DGKI: variants seen among roughly 807,000 people sequenced by gnomAD.
DGKI encodes the protein diacylglycerol kinase iota.
DGKI carries 55 observed loss-of-function variants against 147.5 expected under a neutral mutation model. That is an observed-to-expected ratio of 0.37 (90% CI 0.30 to 0.47). The LOEUF (loss-of-function observed/expected upper bound fraction) is 0.47, where lower values mean the gene tolerates loss of function less well. Among genes scored for constraint, DGKI ranks in the 20% least tolerant of loss-of-function variants. The pLI is 1.00. For missense variants in DGKI, 1,007 were observed against 1,323.8 expected (o/e 0.76, Z 3.71); for synonymous variants, 469 against 477.1 (o/e 0.98, Z 0.22).
At chr7:137,836,175 C>A (rs371577702) in intron 1 of DGKI, among the ~76,000 whole-genome samples, 2 of 152,168 alleles carry the variant, frequency 1.3e-5, no homozygotes, top group Non-Finnish European at 2.9e-5. Flanking sequence ...AGTAATTCCA[C>A]GCTGGCTCAT....
At chr7:137,750,258 A>G (rs10215980) in intron 1 of DGKI, among the ~76,000 whole-genome samples, 76,386 of 151,854 alleles carry the variant, frequency 0.5, 21,775 homozygotes, top group African/African-American at 0.78. Flanking sequence ...GCTGGTGAGT[A>G]GGTAGTGCTG....
At chr7:137,737,126 T>G (rs1795045007) in intron 1 of DGKI, among the ~76,000 whole-genome samples, 1 of 151,230 alleles carries the variant, frequency 6.6e-6, no homozygotes, top group South Asian at 2.1e-4. Context: ...AAATACTTAG[T>G]TCCCTATGCT....
chr7:137,519,244 T>G (rs1816880461), intron 21 of DGKI, among the ~76,000 whole-genome samples: 1 of 152,024 alleles, frequency 6.6e-6, no homozygotes, highest in South Asian at 2.1e-4. Flanking sequence ...GCAAAGCAAT[T>G]TAAAGGGCTG....
intron 1 of DGKI, among the ~76,000 whole-genome samples, chr7:137,733,975 C>T (rs1048968238): frequency 2.6e-5 from 4 of 152,104 alleles, no homozygotes; most frequent in African/African-American, 9.7e-5. Flanking sequence ...CTATCTGAAA[C>T]AAGTCTCTTC....
intron 1 of DGKI, among the ~76,000 whole-genome samples, chr7:137,781,727 A>ATGTAT (rs1563195269): frequency 1.3e-5 from 2 of 152,186 alleles, no homozygotes. Flanking sequence ...TTTAACCTGA[A>ATGTAT]TGTTTTGTTT....
chr7:137,765,824 C>T (rs886108268), intron 1 of DGKI, among the ~76,000 whole-genome samples: 3 of 152,206 alleles, frequency 2.0e-5, no homozygotes, highest in Non-Finnish European at 4.4e-5. Context: ...AGTCACCCAA[C>T]CTTCCCACTG....
rs796902464 is a variant in DGKI at position 137,691,798 on chromosome 7, G to GTTTTTTTTTTTTTTTTT, written c.402-1813_402-1797dup. ...GCTCAGCAAGTGTCTAGACCTTTGG[G>GTTTTTTTTTTTTTTTTT]TTTTTTTTTTTTTTTTTTTTTTTAA... On this transcript the variant is annotated intron_variant, in intron 1 of 32. Coordinates refer to ENST00000614521, the MANE Select transcript of DGKI (RefSeq NM_001321708.2). Among the ~76,000 whole-genome samples the GTTTTTTTTTTTTTTTTT allele has an allele frequency of 9.1e-4, 87 of 95,792 alleles. 1 individual carries two copies. Among genetic ancestry groups the GTTTTTTTTTTTTTTTTT allele is most frequent in the African/African-American group, 3.2e-3 (83 of 25,624 alleles). 62.8% of individuals were successfully genotyped at this position (95,792 alleles called of 152,430 possible). A position where few individuals can be genotyped will look rare whatever the true frequency, so the allele number is the denominator to read the frequency against.
chr7:137,752,031 A>G (rs1042675260), intron 1 of DGKI, among the ~76,000 whole-genome samples: 1 of 152,230 alleles, frequency 6.6e-6, no homozygotes, highest in African/African-American at 2.4e-5. Context: ...ATACATAACT[A>G]CATACAATCA....
intron 20 of DGKI, 124 bp downstream of exon 20, chr7:137,552,245 C>G: frequency 1.1e-6 from 1 of 914,446 alleles, no homozygotes; most frequent in Non-Finnish European, 1.7e-6. Context: ...AACCAAGGAA[C>G]TACTGAGTCT....
chr7:137,700,173 C>T (rs1823928117), intron 1 of DGKI, among the ~76,000 whole-genome samples: 1 of 152,096 alleles, frequency 6.6e-6, no homozygotes, highest in Admixed American at 6.6e-5. Flanking sequence ...GTATCAGTGC[C>T]AGTTGTATCA....
intron 19 of DGKI, among the ~76,000 whole-genome samples, chr7:137,560,003 T>C (rs1818364504): frequency 6.6e-6 from 1 of 152,216 alleles, no homozygotes. Flanking sequence ...TATATAAGAC[T>C]GATTTTTTAT....
chr7:137,429,467 C>T (rs1180917356), intron 28 of DGKI, among the ~76,000 whole-genome samples: 6 of 150,666 alleles, frequency 4.0e-5, no homozygotes, highest in South Asian at 4.2e-4. Context: ...AAAACCTAGG[C>T]ATTACCATTC....
intron 1 of DGKI, among the ~76,000 whole-genome samples, chr7:137,713,956 A>G (rs1343443939): frequency 2.0e-5 from 3 of 152,160 alleles, no homozygotes; most frequent in Non-Finnish European, 2.9e-5. Flanking sequence ...CCAATTTTGA[A>G]TGGGGATATT....
chr7:137,578,381 A>C, intron 15 of DGKI, 56 bp from the exon 16 acceptor site: 1 of 1,257,238 alleles, frequency 8.0e-7, no homozygotes, highest in Non-Finnish European at 1.2e-6. Flanking sequence ...GTAGCGACTT[A>C]GATTAGCACT....
chr7:137,574,503 T>C (rs534193582), intron 17 of DGKI, among the ~76,000 whole-genome samples: 12 of 152,320 alleles, frequency 7.9e-5, no homozygotes, highest in Admixed American at 2.6e-4. Context: ...TAAATATTAT[T>C]GTATTTAGAA....
chr7:137,544,770 G>A (rs10238305), intron 20 of DGKI, among the ~76,000 whole-genome samples: 9,152 of 151,958 alleles, frequency 0.06, 670 homozygotes, highest in African/African-American at 0.17. Flanking sequence ...GGGAACACAA[G>A]ATTCATATTA....
intron 21 of DGKI, among the ~76,000 whole-genome samples, chr7:137,515,618 T>C (rs950027416): frequency 6.6e-6 from 1 of 152,032 alleles, no homozygotes; most frequent in Non-Finnish European, 1.5e-5. Flanking sequence ...AAGTACTACT[T>C]GGAGGAAGCA....
chr7:137,534,524 C>A (rs1390373925), intron 20 of DGKI, among the ~76,000 whole-genome samples: 1 of 151,968 alleles, frequency 6.6e-6, no homozygotes, highest in Non-Finnish European at 1.5e-5. Context: ...TATTGTTCAA[C>A]CACTTTATTT....
At chr7:137,798,298 G>A (rs1459664770) in intron 1 of DGKI, among the ~76,000 whole-genome samples, 1 of 152,170 alleles carries the variant, frequency 6.6e-6, no homozygotes, top group Non-Finnish European at 1.5e-5. Context: ...ATAAAATCTT[G>A]TGAGAACTGA....
Sources: gnomAD v4.1 joint callset for allele counts (sites outside exome capture counted in the v4.1 genomes callset) on GRCh38, gnomAD v4.1.1 for gene constraint, MANE v1.5 for transcripts, NCBI Gene and HGNC (gene_info 2026-07-23, HGNC 2026-07-21) for gene names.